The following ACCSL variants were observed in gnomAD, a reference collection of about 807,000 sequenced individuals.
The protein encoded by ACCSL is 1-aminocyclopropane-1-carboxylate synthase homolog (inactive) like.
In ACCSL, 55 loss-of-function variants were observed where a neutral mutation model predicts 61.7. The ratio of observed to expected loss-of-function variants is 0.89; its 90% CI spans 0.72 to 1.12. The LOEUF is 1.12. ACCSL is among the 50% of genes most tolerant of loss of function. The pLI is 0.00. For synonymous variants in ACCSL, 258 were observed against 264.3 expected (o/e 0.98, Z 0.23); for missense variants, 632 against 698.0 (o/e 0.91, Z 1.07).
At position 44,059,818 on chromosome 11, in the gene ACCSL, TC is replaced by T. The variant is rs759383381; in HGVS notation, c.1625-16del. 1 of 1,609,754 alleles carries T rather than the reference TC, an allele frequency of 6.2e-7. No individual in the cohort carries two copies. Among genetic ancestry groups the T allele is most frequent in the Non-Finnish European group, 8.5e-7 (1 of 1,177,004 alleles). The stretch of plus-strand genomic sequence containing the variant: ...CCTACTAAATCACTATTTCTCTCTG[TC>T]CCCATTTGAACCCTCTAGCTATGCG... On this transcript the variant is annotated intron_variant, in intron 13 of 13. Coordinates refer to ENST00000378832, the MANE Select transcript of ACCSL (RefSeq NM_001031854.2).
At chr11:43,989,105 G>A in the ACCSL span, among the ~76,000 whole-genome samples, 20 of 152,146 alleles carry the variant, frequency 1.3e-4, no homozygotes, top group East Asian at 1.9e-4. Flanking sequence ...TAACAGTGGC[G>A]TTTAGGGCAT....
At position 44,048,217 on chromosome 11, in the gene ACCSL, A is replaced by C. The variant is rs561571804; in HGVS notation, c.181A>C (p.Thr61Pro). The C allele has an allele frequency of 1.9e-6, 3 of 1,614,182 alleles. No homozygotes were observed. Among genetic ancestry groups the C allele is most frequent in the South Asian group, 1.1e-5 (1 of 91,082 alleles). ...QGLSLEERRH[T>P]EAICEHEALL... ...CCTGTCGCTGGAGGAAAGGAGGCAC[A>C]CTGAGGCCATCTGTGAGCATGAAGC... The change falls in exon 1 of 14, where the codon ACT becomes CCT. Residue 61 changes from threonine to proline, a missense_variant. Physicochemically the swap from Thr to Pro is conservative, Grantham distance 38. Transcript: ENST00000378832.
At chr11:44,001,799 G>GTGTA in the ACCSL span, among the ~76,000 whole-genome samples, 1 of 149,376 alleles carries the variant, frequency 6.7e-6, no homozygotes, top group African/African-American at 2.5e-5. Context: ...GTGTGTGTGT[G>GTGTA]TGTGTGTGTG....
Position 44,056,311 on chromosome 11 carries a change from C to T in ACCSL, c.1312C>T (p.Leu438=). ...CATCACCCAGCACAAGCTGTGTCAACTGCTCCAGAACACAGGTACTGAGCT... is the reference window on the plus strand; with the variant it reads ...CATCACCCAGCACAAGCTGTGTCAATTGCTCCAGAACACAGGTACTGAGCT... ...SGITQHKLCQ[L]LQNTEWIDKV... The change falls in exon 11 of 14, where the codon CTG becomes TTG. Residue 438 remains leucine (L), a synonymous_variant. Transcript: ENST00000378832. 6.2e-7 allele frequency: 1 copy of T among 1,613,866 alleles called. No individual in the cohort carries two copies. The highest frequency in any genetic ancestry group is 8.5e-7 in the Non-Finnish European group (1 of 1,179,910).
At chr11:44,006,499 A>ATT in the ACCSL span, among the ~76,000 whole-genome samples, 43 of 89,420 alleles carry the variant, frequency 4.8e-4, no homozygotes, top group Non-Finnish European at 5.8e-4. Context: ...CCTCTTTGAG[A>ATT]TTTTTTTTTT....
the ACCSL span, chr11:43,943,294 G>T: frequency 6.8e-7 from 1 of 1,462,198 alleles, no homozygotes; most frequent in South Asian, 1.4e-5. This position sits in a 1 kb window ranked among gnomAD's most constrained non-coding sequence, Gnocchi z 4.8. Flanking sequence ...CCGCGGGGGG[G>T]ACGCGCGCGT....
At chr11:43,931,712 G>A in the ACCSL span, among the ~76,000 whole-genome samples, 1 of 152,222 alleles carries the variant, frequency 6.6e-6, no homozygotes, top group Non-Finnish European at 1.5e-5. Context: ...CCTGGCAAGA[G>A]TTAGGTGCTC....
At chr11:43,942,035 C>CGTGTGT in the ACCSL span, among the ~76,000 whole-genome samples, 48 of 89,700 alleles carry the variant, frequency 5.4e-4, no homozygotes, top group Non-Finnish European at 5.4e-4. Flanking sequence ...TGCATTCGTG[C>CGTGTGT]GTGTGTGTGT....
the ACCSL span, among the ~76,000 whole-genome samples, chr11:44,008,604 G>A: frequency 1.3e-5 from 2 of 152,250 alleles, no homozygotes; most frequent in South Asian, 4.1e-4. Flanking sequence ...TGACCGCGAA[G>A]CATAGTCTTT....
the ACCSL span, among the ~76,000 whole-genome samples, chr11:43,982,084 A>C: frequency 2.6e-5 from 4 of 152,074 alleles, no homozygotes; most frequent in African/African-American, 9.7e-5. Flanking sequence ...CGGGTGACAG[A>C]GCCCAAGCCT....
At chr11:43,950,658 G>GA in the ACCSL span, among the ~76,000 whole-genome samples, 1 of 152,210 alleles carries the variant, frequency 6.6e-6, no homozygotes, top group Non-Finnish European at 1.5e-5. Flanking sequence ...GCACAGGGAT[G>GA]TGCCTACAAC....
the ACCSL span, among the ~76,000 whole-genome samples, chr11:44,041,880 A>G: frequency 6.6e-6 from 1 of 152,216 alleles, no homozygotes; most frequent in East Asian, 1.9e-4. Context: ...TCATTTAAAT[A>G]AGTTGTCTAA....
At chr11:44,044,369 T>C (rs2134759840), upstream of ACCSL, among the ~76,000 whole-genome samples, 1 of 152,302 alleles carries the variant, frequency 6.6e-6, no homozygotes. Flanking sequence ...GAGAAACTGA[T>C]GCCCAGACAG....
intron 2 of ACCSL, 90 bp downstream of exon 2, chr11:44,050,211 G>C: frequency 9.2e-7 from 1 of 1,086,220 alleles, no homozygotes; most frequent in Non-Finnish European, 1.4e-6. Context: ...ACAGGGGTGA[G>C]ACATAGGAGC....
In ACCSL at chr11:44,052,782, G is replaced by C. The variant is rs185712469; in HGVS notation, c.870+23G>C. On this transcript the variant is annotated intron_variant, in intron 6 of 13. Transcript: ENST00000378832. ...GAGGTCTGAATGGGGCCCCTTCCCT[G>C]CTCAGTATGCCTAGACAATGGACTG... 7 of 1,595,970 alleles carry C rather than the reference G, an allele frequency of 4.4e-6. No individual in the cohort carries two copies. The East Asian group carries it at 1.3e-4, about 31-fold the overall frequency.
At chr11:44,053,878 T>C (rs558356935) in intron 8 of ACCSL, among the ~76,000 whole-genome samples, 104 of 152,128 alleles carry the variant, frequency 6.8e-4, no homozygotes, top group Non-Finnish European at 1.3e-3. Context: ...TAATTTACCC[T>C]AAATGGTCTC....
the ACCSL span, among the ~76,000 whole-genome samples, chr11:43,954,615 G>T: frequency 1.4e-5 from 2 of 147,274 alleles, no homozygotes; most frequent in African/African-American, 2.5e-5. Context: ...GTGGAATTTT[G>T]CTCTTGTTGC....
the ACCSL span, among the ~76,000 whole-genome samples, chr11:44,022,982 T>G: frequency 3.9e-5 from 6 of 152,010 alleles, no homozygotes; most frequent in Non-Finnish European, 7.4e-5. Context: ...GTTTTCTGGT[T>G]ACTAATTCAA....
intron 11 of ACCSL, among the ~76,000 whole-genome samples, chr11:44,056,666 C>G (rs112420175): frequency 0.099 from 15,060 of 152,132 alleles, 859 homozygotes; most frequent in Middle Eastern, 0.14. Flanking sequence ...AACCCGGTCT[C>G]TACTAAAAAT....
Sources: gnomAD v4.1 joint callset for allele counts (sites outside exome capture counted in the v4.1 genomes callset) on GRCh38, gnomAD v4.1.1 for gene constraint, Gnocchi (gnomAD v3.1) non-coding constraint, MANE v1.5 for transcripts, NCBI Gene and HGNC (gene_info 2026-07-23, HGNC 2026-07-21) for gene names.